DOCK4: variants seen among roughly 807,000 people sequenced by gnomAD.
The protein encoded by DOCK4 is dedicator of cytokinesis 4.
DOCK4 carries 97 observed loss-of-function variants against 268.1 expected under a neutral mutation model. The observed-to-expected ratio is 0.36, with a 90% confidence interval of 0.31 to 0.43. The LOEUF (loss-of-function observed/expected upper bound fraction) is 0.43. DOCK4 is among the 20% of genes least tolerant of loss of function. The pLI, the probability that DOCK4 is intolerant of heterozygous loss-of-function variation, is 1.00. For missense variants in DOCK4, 2,145 were observed against 2,455.7 expected (o/e 0.87, Z 2.67); for synonymous variants, 954 against 887.2 (o/e 1.08, Z -1.34).
chr7:112,081,179 GCAGT>G (rs1053133039), intron 1 of DOCK4, among the ~76,000 whole-genome samples: 35 of 152,164 alleles, frequency 2.3e-4, no homozygotes, highest in Admixed American at 2.6e-4. Context: ...GAAGGAACCC[GCAGT>G]CAGACAGGAA....
At chr7:111,743,993 G>T (rs1219374684) in intron 44 of DOCK4, among the ~76,000 whole-genome samples, 1 of 152,094 alleles carries the variant, frequency 6.6e-6, no homozygotes, top group African/African-American at 2.4e-5. Flanking sequence ...CTAGTTTTTA[G>T]GTTTTTGTAG....
intron 28 of DOCK4, among the ~76,000 whole-genome samples, chr7:111,811,594 C>A (rs1801136726): frequency 6.6e-6 from 1 of 151,922 alleles, no homozygotes; most frequent in African/African-American, 2.4e-5. Context: ...AAGTAAAAAA[C>A]ACTATGTTTT....
chr7:111,758,446 G>A (rs1186189328), intron 41 of DOCK4, among the ~76,000 whole-genome samples, 178 bp downstream of exon 41: 1 of 152,152 alleles, frequency 6.6e-6, no homozygotes, highest in African/African-American at 2.4e-5. Flanking sequence ...TGGTTAGGGA[G>A]CACTCCATGT....
chr7:111,922,726 C>T lies in DOCK4; in HGVS notation c.1067-6822G>A, dbSNP rs192985727. 3.5e-4 allele frequency among the ~76,000 whole-genome samples: 53 copies of T among 152,284 alleles called. 1 individual carries two copies. The highest frequency in any genetic ancestry group is 8.5e-4 in the Admixed American group (13 of 15,290). On this transcript the variant is annotated intron_variant, in intron 12 of 52. Transcript: ENST00000428084. ...CCTCCTTAGCAGTTGGGACTACAGG[C>T]GTGCGCCACCACACCCAGCTAATTT...
intron 2 of DOCK4, among the ~76,000 whole-genome samples, chr7:112,001,920 C>T (rs1469051087): frequency 2.0e-5 from 3 of 152,092 alleles, no homozygotes; most frequent in Non-Finnish European, 2.9e-5. Flanking sequence ...CAGCACTATC[C>T]TTACATGTCT....
chr7:111,837,201 G>A (rs1803304714), intron 25 of DOCK4, among the ~76,000 whole-genome samples: 1 of 151,846 alleles, frequency 6.6e-6, no homozygotes, highest in Admixed American at 6.6e-5. Context: ...CTCTTGGAAA[G>A]AACACAAGCT....
At chr7:111,982,351 T>G (rs1214837277) in intron 7 of DOCK4, among the ~76,000 whole-genome samples, 1 of 152,228 alleles carries the variant, frequency 6.6e-6, no homozygotes, top group Non-Finnish European at 1.5e-5. Flanking sequence ...ATCTTCTGCT[T>G]TTTATTTATT....
rs191717045 is a variant in DOCK4, at chr7:111,834,394, A to G, written c.2835+194T>C. On this transcript the variant is annotated intron_variant, in intron 26 of 52. Coordinates refer to ENST00000428084, the MANE Select transcript of DOCK4 (RefSeq NM_001363540.2). ...ATCCTTCTCTGAAATGAGAGTTAATAGCTTTGCTTGAGTAATAGAAATCTT... is the reference window on the plus strand; with the variant it reads ...ATCCTTCTCTGAAATGAGAGTTAATGGCTTTGCTTGAGTAATAGAAATCTT... Among the ~76,000 whole-genome samples the G allele has an allele frequency of 4.6e-5, 7 of 152,328 alleles. No individual in the cohort carries two copies. In the East Asian group the frequency reaches 1.4e-3, roughly 29 times the overall value.
chr7:111,998,345 T>C, intron 4 of DOCK4, 103 bp downstream of exon 4: 1 of 904,366 alleles, frequency 1.1e-6, no homozygotes, highest in Non-Finnish European at 1.6e-6. Context: ...TGGTATGATC[T>C]TCTACAGTTC....
At chr7:111,898,420 C>T (rs1414910962) in intron 15 of DOCK4, among the ~76,000 whole-genome samples, 1 of 152,212 alleles carries the variant, frequency 6.6e-6, no homozygotes, top group Non-Finnish European at 1.5e-5. Flanking sequence ...TCACTTTCTA[C>T]TCCCTAGCTG....
intron 44 of DOCK4, among the ~76,000 whole-genome samples, chr7:111,744,899 T>C (rs1012169715): frequency 6.6e-6 from 1 of 152,200 alleles, no homozygotes; most frequent in East Asian, 1.9e-4. Context: ...GCATAAAAGA[T>C]GGATGAAAAC....
At chr7:112,132,098 CA>C (rs1813862183) in intron 1 of DOCK4, among the ~76,000 whole-genome samples, 1 of 152,244 alleles carries the variant, frequency 6.6e-6, no homozygotes, top group East Asian at 1.9e-4. Flanking sequence ...GGGAGTTTGG[CA>C]GCCCTTAGAC....
At chr7:112,042,339 A>G (rs745684956) in intron 1 of DOCK4, among the ~76,000 whole-genome samples, 4 of 152,172 alleles carry the variant, frequency 2.6e-5, no homozygotes, top group Non-Finnish European at 4.4e-5. Flanking sequence ...CTCATGTCTT[A>G]TCTGCCTAAG....
chr7:111,809,988 C>CAAAAAAAAAAAAAAA (rs141294490), intron 28 of DOCK4, among the ~76,000 whole-genome samples: 1 of 126,180 alleles, frequency 7.9e-6, no homozygotes, highest in African/African-American at 2.7e-5. Context: ...ATAAACTTAG[C>CAAAAAAAAAAAAAAA]AAAAAAAAAA....
intron 23 of DOCK4, among the ~76,000 whole-genome samples, chr7:111,849,690 G>A (rs759236993): frequency 7.2e-5 from 11 of 152,146 alleles, no homozygotes; most frequent in Non-Finnish European, 1.2e-4. Context: ...GCAAGCTTGT[G>A]AACTAATGAA....
intron 23 of DOCK4, among the ~76,000 whole-genome samples, chr7:111,852,033 G>A (rs1383491677): frequency 7.0e-6 from 1 of 143,302 alleles, no homozygotes; most frequent in African/African-American, 2.7e-5. Flanking sequence ...GCACGATCTC[G>A]GCTCACTGCA....
Position 111,747,445 on chromosome 7 carries a change from T to C in DOCK4, c.4417-2A>G. The C allele has an allele frequency of 6.3e-7, 1 of 1,587,688 alleles. No homozygotes were observed. The highest frequency in any genetic ancestry group is 8.6e-7 in the Non-Finnish European group (1 of 1,167,158). ...ATTTTCCAGAGGACTCATTTCTACC[T>C]GAGAAGCAAATGAACATAAATATAT... is the stretch of plus-strand genomic sequence containing the variant. On this transcript the variant is annotated splice_acceptor_variant, in intron 42 of 52. Transcript: ENST00000428084. LOFTEE classifies it high-confidence loss of function.
At chr7:111,840,809 A>C in intron 25 of DOCK4, 5 of 1,345,692 alleles carry the variant, frequency 3.7e-6, no homozygotes, top group Non-Finnish European at 4.9e-6. Flanking sequence ...GTCTGCACAG[A>C]CTGAAAAGGT....
At chr7:112,185,834 C>T (rs1819454764) in intron 1 of DOCK4, among the ~76,000 whole-genome samples, 1 of 152,212 alleles carries the variant, frequency 6.6e-6, no homozygotes, top group African/African-American at 2.4e-5. Flanking sequence ...TAAGCGGAAT[C>T]CAGTCTTTTA....
Sources: gnomAD v4.1 joint callset for allele counts (sites outside exome capture counted in the v4.1 genomes callset) on GRCh38, gnomAD v4.1.1 for gene constraint, MANE v1.5 for transcripts, NCBI Gene and HGNC (gene_info 2026-07-23, HGNC 2026-07-21) for gene names.